NOL4: variants seen among roughly 807,000 people sequenced by gnomAD.
NOL4 encodes the protein cancer/testis antigen 125.
NOL4 carries 17 observed loss-of-function variants against 75.9 expected under a neutral mutation model. That is an observed-to-expected ratio of 0.22 (90% CI 0.15 to 0.34). The LOEUF is 0.34. Ranked by LOEUF, NOL4 falls within the 10% of genes least tolerant of loss-of-function variation. The pLI, the probability that NOL4 is intolerant of heterozygous loss-of-function variation, is 1.00. For synonymous variants in NOL4, 292 were observed against 289.9 expected, an observed-to-expected ratio of 1.01 and a Z score of -0.07; for missense variants, 614 against 793.5, an observed-to-expected ratio of 0.77 and a Z score of 2.72.
intron 5 of NOL4, among the ~76,000 whole-genome samples, chr18:34,077,204 A>T (rs892487624): frequency 1.3e-5 from 2 of 152,086 alleles, no homozygotes; most frequent in African/African-American, 2.4e-5. Flanking sequence ...GCTACCTGGG[A>T]GGCTGAGGTG....
Position 33,911,262 on chromosome 18 carries a change from G to A in NOL4, c.1543-27838C>T, listed in dbSNP as rs182171563. Among the ~76,000 whole-genome samples, 89 of 149,640 alleles carry A rather than the reference G, an allele frequency of 5.9e-4. 2 individuals are homozygous for A. The Middle Eastern group carries it at 0.01, about 17-fold the overall frequency. ...ATTTACTATCCTGGTAATTTTATGTGCTCTTTCAGTCTGGTAATGCATATC... is the reference window on the plus strand; with the variant it reads ...ATTTACTATCCTGGTAATTTTATGTACTCTTTCAGTCTGGTAATGCATATC... On this transcript the variant is annotated intron_variant, in intron 9 of 10. Coordinates refer to ENST00000261592, the MANE Select transcript of NOL4 (RefSeq NM_003787.5).
chr18:33,860,400 G>T (rs2063054745), intron 10 of NOL4, among the ~76,000 whole-genome samples: 1 of 152,106 alleles, frequency 6.6e-6, no homozygotes, highest in Non-Finnish European at 1.5e-5. Flanking sequence ...CAAGTCCTAA[G>T]TCTCATCTGA....
chr18:33,916,390 C>T (rs2066721121), intron 9 of NOL4, among the ~76,000 whole-genome samples: 1 of 152,110 alleles, frequency 6.6e-6, no homozygotes, highest in African/African-American at 2.4e-5. Flanking sequence ...GGCCTTTCTC[C>T]ATTAGGGACC....
intron 1 of NOL4, chr18:34,222,529 T>G (rs2037390825): frequency 3.6e-6 from 3 of 829,590 alleles, no homozygotes; most frequent in Non-Finnish European, 1.5e-6. Flanking sequence ...TCGGGCTTTA[T>G]GCCAATAAGG....
intron 6 of NOL4, among the ~76,000 whole-genome samples, chr18:33,988,218 C>T (rs770235944): frequency 7.2e-5 from 11 of 152,028 alleles, no homozygotes; most frequent in Admixed American, 6.6e-4. Flanking sequence ...GGAAATTAAA[C>T]CCTTAGCCAG....
At chr18:33,975,633 G>A (rs1275249419) in intron 6 of NOL4, among the ~76,000 whole-genome samples, 1 of 152,154 alleles carries the variant, frequency 6.6e-6, no homozygotes, top group Non-Finnish European at 1.5e-5. Context: ...AAATTAGCCA[G>A]GCATGGTGGC....
At chr18:34,137,805 C>CACACA (rs2080959123) in intron 1 of NOL4, among the ~76,000 whole-genome samples, 1 of 151,822 alleles carries the variant, frequency 6.6e-6, no homozygotes, top group South Asian at 2.1e-4. Context: ...CACACACACA[C>CACACA]ACACGCACGC....
intron 1 of NOL4, among the ~76,000 whole-genome samples, chr18:34,198,608 T>TA (rs1294185289): frequency 4.0e-5 from 6 of 151,782 alleles, no homozygotes; most frequent in East Asian, 1.9e-4. Flanking sequence ...TATGCAACTT[T>TA]AAAAAAAATT....
chr18:33,944,401 C>T (rs1284311856), intron 8 of NOL4, among the ~76,000 whole-genome samples: 1 of 151,868 alleles, frequency 6.6e-6, no homozygotes, highest in Non-Finnish European at 1.5e-5. Context: ...TTAACAGACA[C>T]TCCATAGTTA....
intron 9 of NOL4, among the ~76,000 whole-genome samples, chr18:33,919,462 CAG>C (rs1211721079): frequency 1.2e-4 from 18 of 152,300 alleles, no homozygotes; most frequent in African/African-American, 3.9e-4. Context: ...TATAACTTTT[CAG>C]AAACGCTGCC....
rs564095474 is a variant in NOL4, at chr18:33,988,517, G to A, written c.1057-30099C>T. Reference sequence around the variant, plus strand: ...AGGTGGGGGCAGCTCCTCTTTCATAGTTACTCTCCTCATGGGCATGAGATT... The same window carrying A: ...AGGTGGGGGCAGCTCCTCTTTCATAATTACTCTCCTCATGGGCATGAGATT... On this transcript the variant is annotated intron_variant, in intron 6 of 10. Transcript: ENST00000261592. Among the ~76,000 whole-genome samples the A allele has an allele frequency of 2.5e-4, 38 of 152,186 alleles. 1 individual carries two copies. Among genetic ancestry groups the A allele is most frequent in the Middle Eastern group, 6.8e-3 (2 of 292 alleles).
chr18:34,095,679 A>ATCC (rs2078745700), intron 4 of NOL4, among the ~76,000 whole-genome samples: 1 of 152,156 alleles, frequency 6.6e-6, no homozygotes, highest in South Asian at 2.1e-4. Context: ...GATAAGCACA[A>ATCC]TAAAATGGTT....
At chr18:34,115,855 C>T (rs1460603952) in intron 2 of NOL4, among the ~76,000 whole-genome samples, 3 of 152,084 alleles carry the variant, frequency 2.0e-5, no homozygotes, top group Admixed American at 6.6e-5. Flanking sequence ...AGTGTCACCC[C>T]AGACAATGAG....
chr18:33,957,023 T>G (rs1470835690), intron 8 of NOL4, among the ~76,000 whole-genome samples: 1 of 152,098 alleles, frequency 6.6e-6, no homozygotes, highest in Non-Finnish European at 1.5e-5. Context: ...AAAACAAATA[T>G]GAACGAGATG....
At chr18:33,874,701 G>A (rs562226187) in intron 10 of NOL4, among the ~76,000 whole-genome samples, 2 of 151,934 alleles carry the variant, frequency 1.3e-5, no homozygotes, top group Non-Finnish European at 1.5e-5. Context: ...AAAGTAAAAG[G>A]GAGGTAAGAA....
Position 34,151,601 on chromosome 18 carries a change from C to A in NOL4, c.265-21581G>T, listed in dbSNP as rs2081640697. ...ACAACATATATTTAGGGCAGTGAAA[C>A]TATTCTGTATGACACTATATGGGTA... is the stretch of plus-strand genomic sequence containing the variant. On this transcript the variant is annotated intron_variant, in intron 1 of 10. Coordinates refer to ENST00000261592, the MANE Select transcript of NOL4 (RefSeq NM_003787.5). 1.3e-5 allele frequency among the ~76,000 whole-genome samples: 2 copies of A among 151,740 alleles called. 1 individual carries two copies. The highest frequency in any genetic ancestry group is 3.9e-4 in the East Asian group (2 of 5,168).
At chr18:33,983,125 T>G (rs1293326353) in intron 6 of NOL4, among the ~76,000 whole-genome samples, 1 of 151,932 alleles carries the variant, frequency 6.6e-6, no homozygotes, top group Non-Finnish European at 1.5e-5. Flanking sequence ...TCCAATTAAA[T>G]GACATTCTGA....
At chr18:34,150,773 TC>T (rs1161921214) in intron 1 of NOL4, among the ~76,000 whole-genome samples, 3 of 151,612 alleles carry the variant, frequency 2.0e-5, no homozygotes, top group Non-Finnish European at 3.0e-5. Context: ...AAACTTCTGA[TC>T]ATGAAAGACA....
At chr18:33,960,099 C>T (rs973738114) in intron 6 of NOL4, among the ~76,000 whole-genome samples, 1 of 152,048 alleles carries the variant, frequency 6.6e-6, no homozygotes, top group African/African-American at 2.4e-5. Context: ...ACATTATTTA[C>T]ATTTTCTTAT....
Sources: allele counts gnomAD v4.1 joint callset (sites outside exome capture counted in the v4.1 genomes callset), GRCh38; gene constraint gnomAD v4.1.1; transcripts MANE v1.5; gene names NCBI Gene and HGNC (gene_info 2026-07-23, HGNC 2026-07-21).